Variants in CP observed in about 807,000 individuals in gnomAD.
CP encodes the protein caeruloplasmin.
In CP, 64 loss-of-function variants were observed where a neutral mutation model predicts 122.4. That is an observed-to-expected ratio of 0.52 (90% CI 0.43 to 0.64). CP has a LOEUF of 0.64. Ranked by LOEUF, CP falls within the 30% of genes least tolerant of loss-of-function variation. The probability of loss-of-function intolerance (pLI) is 0.00; values close to 1 mark genes in which losing one functional copy is unlikely to be tolerated. For missense variants in CP, 1,167 were observed against 1,284.4 expected (o/e 0.91, Z 1.40); for synonymous variants, 440 against 436.4 (o/e 1.01, Z -0.10).
intron 14 of CP, among the ~76,000 whole-genome samples, chr3:149,181,068 G>C (rs1174544571): frequency 3.3e-5 from 5 of 152,132 alleles, no homozygotes; most frequent in African/African-American, 1.2e-4. Context: ...ACTGACCCCA[G>C]ATTCTGTCCT....
At chr3:149,200,830 G>A (rs1325918163) in intron 7 of CP, among the ~76,000 whole-genome samples, 1 of 151,872 alleles carries the variant, frequency 6.6e-6, no homozygotes, top group Non-Finnish European at 1.5e-5. Flanking sequence ...ACTTTCAAAG[G>A]TCACACAGCT....
At chr3:149,175,664 A>C (rs1479724609) in intron 18 of CP, among the ~76,000 whole-genome samples, 1 of 145,566 alleles carries the variant, frequency 6.9e-6, no homozygotes, top group South Asian at 2.2e-4. Flanking sequence ...CTCCATTTTA[A>C]GTGTGTGTGT....
At position 149,177,702 on chromosome 3, in the gene CP, T is replaced by TG. The variant is rs1395258380; in HGVS notation, c.3018+137dup. The stretch of plus-strand genomic sequence containing the variant: ...TTTCAATCCATGATTGAATCCTGGG[T>TG]GGGGAATCCACGGATATGAAGCACC... On this transcript the variant is annotated intron_variant, in intron 17 of 18. Transcript: ENST00000264613. 3 of 915,026 alleles carry TG rather than the reference T, an allele frequency of 3.3e-6. No individual in the cohort carries two copies. In the East Asian group the frequency reaches 7.5e-5, roughly 23 times the overall value. 56.7% of individuals were successfully genotyped at this position (915,026 alleles called of 1,614,324 possible).
At chr3:149,177,777 T>C (rs780681915) in intron 17 of CP, 63 bp downstream of exon 17, 2 of 1,555,768 alleles carry the variant, frequency 1.3e-6, no homozygotes, top group South Asian at 2.2e-5. Context: ...AGAAAATATT[T>C]TCTTCACTTG....
Position 149,178,505 on chromosome 3 carries a change from A to G in CP, c.2788T>C (p.Tyr930His), listed in dbSNP as rs1288747397. Reference sequence around the variant, plus strand: ...TATGTTTTGATGTTGTCATCTAAGTACCAAGATTCATTCTCATCAAAAACT... The same window carrying G: ...TATGTTTTGATGTTGTCATCTAAGTGCCAAGATTCATTCTCATCAAAAACT... Reference protein sequence around the residue: ...FLVFDENESWYLDDNIKTYSD... With the variant: ...FLVFDENESWHLDDNIKTYSD... The change falls in exon 16 of 19, where the codon TAC becomes CAC. Residue 930 changes from tyrosine to histidine, a missense_variant. Around this residue, in one of 2 missense-constraint regions of CP, gnomAD observed 525 missense variants for 657.2 expected, o/e 0.80. Coordinates refer to ENST00000264613, the MANE Select transcript of CP (RefSeq NM_000096.4). 1 of 1,613,318 alleles carries G rather than the reference A, an allele frequency of 6.2e-7. No individual in the cohort carries two copies. Among genetic ancestry groups the G allele is most frequent in the Admixed American group, 1.7e-5 (1 of 60,008 alleles).
intron 9 of CP, among the ~76,000 whole-genome samples, chr3:149,196,755 C>T (rs1023175446): frequency 2.0e-4 from 9 of 45,816 alleles, no homozygotes; most frequent in Non-Finnish European, 2.5e-4. Flanking sequence ...AATTGAGAAG[C>T]CTTTGATTAA....
rs993089127 is a variant in CP at position 149,172,991 on chromosome 3, T to A, written c.*723A>T. ...GTGTCTTCATTTATAACTTTTTGTT[T>A]AAAAAATTTTTAGTTCAAGTTTAGT... On this transcript the variant is annotated 3_prime_UTR_variant, in exon 19 of 19. Coordinates refer to ENST00000264613, the MANE Select transcript of CP (RefSeq NM_000096.4). 5.9e-5 allele frequency: 9 copies of A among 152,650 alleles called. No individual in the cohort carries two copies. Among genetic ancestry groups the A allele is most frequent in the Non-Finnish European group, 1.0e-4 (7 of 68,028 alleles). The allele number at this position is 152,650 out of a possible 1,614,324, so 9.5% of individuals were successfully genotyped here.
intron 5 of CP, among the ~76,000 whole-genome samples, chr3:149,163,475 TG>T (rs912258770): frequency 1.8e-4 from 28 of 152,292 alleles, no homozygotes; most frequent in African/African-American, 6.5e-4. Context: ...CAGGGCTTCT[TG>T]GGGATTGTCT....
chr3:149,171,186 G>A (rs1576715901), downstream of CP, among the ~76,000 whole-genome samples: 1 of 152,056 alleles, frequency 6.6e-6, no homozygotes, highest in East Asian at 1.9e-4. Context: ...GCTGAGGCAG[G>A]AGAATCTCTT....
chr3:149,203,120 A>G (rs1380798377), intron 6 of CP, among the ~76,000 whole-genome samples: 1 of 151,648 alleles, frequency 6.6e-6, no homozygotes, highest in African/African-American at 2.4e-5. Context: ...GTTAGCCAGG[A>G]TGGTCTCGAT....
At chr3:149,205,451 T>C (rs1450580708) in intron 6 of CP, among the ~76,000 whole-genome samples, 1 of 151,380 alleles carries the variant, frequency 6.6e-6, no homozygotes. Flanking sequence ...CAATTGTTCA[T>C]AGCAACATTA....
At chr3:149,200,040 G>A (rs1418178430) in intron 7 of CP, 176 bp from the exon 8 acceptor site, 5 of 640,160 alleles carry the variant, frequency 7.8e-6, no homozygotes, top group African/African-American at 5.5e-5. Flanking sequence ...ATATGTCGAG[G>A]TTGGAAGGAG....
rs141270807 is a variant in CP, at chr3:149,206,244, C to T, written c.1132G>A (p.Ala378Thr). Residue 378 changes from alanine to threonine, a missense_variant, in exon 6 of 19, where the codon GCT becomes ACT. Ala to Thr is a moderately conservative substitution (Grantham distance 58). Transcript: ENST00000264613. ...GCATAGTTCCAGATGATTTCCTCAG[C>T]GGCAATGTAGTAGTGTCTAACATGC... Reference protein sequence around the residue: ...GKHVRHYYIAAEEIIWNYAPS... With the variant: ...GKHVRHYYIATEEIIWNYAPS... 3.5e-5 allele frequency: 57 copies of T among 1,613,960 alleles called. No homozygotes were observed. The highest frequency in any genetic ancestry group is 3.2e-4 in the South Asian group (29 of 91,078).
At chr3:149,167,757 T>C (rs1321722315), downstream of CP, 5 of 692,274 alleles carry the variant, frequency 7.2e-6, no homozygotes, top group Non-Finnish European at 1.3e-5. Context: ...ATAACTTATG[T>C]TATAACAAAG....
intron 17 of CP, among the ~76,000 whole-genome samples, chr3:149,177,221 G>A (rs908964277): frequency 1.4e-4 from 21 of 152,140 alleles, no homozygotes; most frequent in Non-Finnish European, 1.8e-4. Context: ...ATAAAGTCTT[G>A]TTGTGGTCTC....
chr3:149,204,289 C>T (rs1727552128), intron 6 of CP, among the ~76,000 whole-genome samples: 1 of 152,132 alleles, frequency 6.6e-6, no homozygotes, highest in Admixed American at 6.5e-5. Flanking sequence ...TTGGAAAATA[C>T]AAGACTGCAG....
downstream of CP, among the ~76,000 whole-genome samples, chr3:149,168,767 G>T (rs929554047): frequency 2.0e-5 from 3 of 152,080 alleles, no homozygotes; most frequent in African/African-American, 7.2e-5. Context: ...ATTGCTTTAG[G>T]TTTTCAGAAG....
At chr3:149,200,139 A>G (rs1423010107) in intron 7 of CP, 1 of 428,910 alleles carries the variant, frequency 2.3e-6, no homozygotes, top group Non-Finnish European at 4.4e-6. Flanking sequence ...ATCTACAAAA[A>G]CTATTCAGAA....
chr3:149,169,684 C>G (rs1374590810), downstream of CP, among the ~76,000 whole-genome samples: 2 of 152,144 alleles, frequency 1.3e-5, no homozygotes, highest in Non-Finnish European at 2.9e-5. Flanking sequence ...CAAAATTTTC[C>G]TGGTTGACAA....
Sources: allele counts gnomAD v4.1 joint callset (sites outside exome capture counted in the v4.1 genomes callset), GRCh38; gene constraint gnomAD v4.1.1; regional missense constraint gnomAD v4.1.1; transcripts MANE v1.5; gene names NCBI Gene and HGNC (gene_info 2026-07-23, HGNC 2026-07-21).